MBTPS1: variants seen among roughly 807,000 people sequenced by gnomAD.
MBTPS1 encodes membrane-bound transcription factor site-1 protease.
In MBTPS1, 94 loss-of-function variants were observed where a neutral mutation model predicts 127.8. The ratio of observed to expected loss-of-function variants is 0.74; its 90% CI spans 0.62 to 0.87. MBTPS1 has a LOEUF of 0.87. Ranked by LOEUF, MBTPS1 falls within the 40% of genes least tolerant of loss-of-function variation. MBTPS1 has a pLI of 0.00. For synonymous variants in MBTPS1, 632 were observed against 509.4 expected (o/e 1.24, Z -3.24); for missense variants, 1,636 against 1,353.2 (o/e 1.21, Z -3.28).
At chr16:84,067,416 G>C (rs1314118701) in intron 16 of MBTPS1, among the ~76,000 whole-genome samples, 3 of 152,162 alleles carry the variant, frequency 2.0e-5, no homozygotes, top group African/African-American at 7.2e-5. Context: ...ACAGTGGCTT[G>C]ATCTCAGCTC....
chr16:84,065,381 T>C (rs911060831), intron 18 of MBTPS1, among the ~76,000 whole-genome samples: 1 of 152,204 alleles, frequency 6.6e-6, no homozygotes, highest in African/African-American at 2.4e-5. Flanking sequence ...CCTCTCAAAG[T>C]GGTGGGTACC....
At chr16:84,055,622 G>A (rs578103323) in intron 22 of MBTPS1, among the ~76,000 whole-genome samples, 2 of 152,332 alleles carry the variant, frequency 1.3e-5, no homozygotes, top group South Asian at 2.1e-4. Context: ...TGGGAGCCAG[G>A]GCGGCTGCTG....
chr16:84,090,918 C>T lies in MBTPS1; in HGVS notation c.988G>A (p.Val330Ile). 5 of 1,611,982 alleles carry T rather than the reference C, an allele frequency of 3.1e-6. No homozygotes were observed. The highest frequency in any genetic ancestry group is 4.2e-6 in the Non-Finnish European group (5 of 1,179,082). The change falls in exon 8 of 23, where the codon GTA becomes ATA. Residue 330 changes from valine (V) to isoleucine (I), a missense_variant. Transcript: ENST00000343411. ...TTGCCAATAGCAGAAACCATGATTA[C>T]ATTGTTAGCTGTTAATTCCCACACC... ...DKVWELTANN[V>I]IMVSAIGNDG...
chr16:84,060,715 C>T lies in MBTPS1; in HGVS notation c.2671G>A (p.Gly891Arg), dbSNP rs763530636. ...HSGNRQRPPSGAGSVTPERME... is the reference protein window; with the variant it reads ...HSGNRQRPPSRAGSVTPERME... ...CTCTCTGGAGTGACTGAGCCTGCTC[C>T]ACTGGGAGGGCGCTGGCGGTTCCCA... Residue 891 changes from glycine (G) to arginine (R), a missense_variant, in exon 20 of 23, where the codon GGA becomes AGA. Gly to Arg is a moderately radical substitution (Grantham distance 125). Coordinates refer to ENST00000343411, the MANE Select transcript of MBTPS1 (RefSeq NM_003791.4). 16 of 1,613,922 alleles carry T rather than the reference C, an allele frequency of 9.9e-6. No homozygotes were observed. The highest frequency in any genetic ancestry group is 2.2e-5 in the East Asian group (1 of 44,894).
chr16:84,073,900 G>T (rs187976202), intron 12 of MBTPS1, among the ~76,000 whole-genome samples: 217 of 152,192 alleles, frequency 1.4e-3, no homozygotes, highest in Admixed American at 2.9e-3. Flanking sequence ...CAGATACCTG[G>T]GAGGCTGAGC....
chr16:84,094,691 T>C lies in MBTPS1; in HGVS notation c.626-870A>G, dbSNP rs144058161. Among the ~76,000 whole-genome samples the C allele has an allele frequency of 1.7e-3, 264 of 152,212 alleles. 1 individual carries two copies. The highest frequency in any genetic ancestry group is 6.2e-3 in the African/African-American group (256 of 41,512). On this transcript the variant is annotated intron_variant, in intron 4 of 22. Coordinates refer to ENST00000343411, the MANE Select transcript of MBTPS1 (RefSeq NM_003791.4). ...AAAAATGCACACACAAAATCAGAAATCATTTGGTTTGGGGGGAATAAAAAA... is the reference window on the plus strand; with the variant it reads ...AAAAATGCACACACAAAATCAGAAACCATTTGGTTTGGGGGGAATAAAAAA...
chr16:84,074,485 C>T (rs1444980216), intron 12 of MBTPS1, 112 bp downstream of exon 12: 10 of 1,076,814 alleles, frequency 9.3e-6, no homozygotes, highest in African/African-American at 3.2e-5. Flanking sequence ...CCTCTCTCCT[C>T]GGCCTAGAAC....
intron 8 of MBTPS1, among the ~76,000 whole-genome samples, chr16:84,090,258 G>T (rs1490904370): frequency 3.9e-5 from 6 of 152,218 alleles, no homozygotes; most frequent in African/African-American, 2.4e-5. Flanking sequence ...AACCAGACAG[G>T]AGCGTACTGG....
At chr16:84,058,510 G>A (rs750547243) in intron 21 of MBTPS1, among the ~76,000 whole-genome samples, 1 of 152,242 alleles carries the variant, frequency 6.6e-6, no homozygotes, top group African/African-American at 2.4e-5. Flanking sequence ...CCCGGCCACG[G>A]ACACAGCTCT....
In MBTPS1 at chr16:84,098,081, A is replaced by T. The variant is rs114438896; in HGVS notation, c.421+972T>A. The stretch of plus-strand genomic sequence containing the variant: ...GTAACACATATCTTTGGAAAATATC[A>T]TTTAATAAATATGCAATTTACTATT... On this transcript the variant is annotated intron_variant, in intron 3 of 22. Transcript: ENST00000343411. Among the ~76,000 whole-genome samples, 502 of 152,320 alleles carry T rather than the reference A, an allele frequency of 3.3e-3. 5 individuals carry two copies. Among genetic ancestry groups the T allele is most frequent in the Middle Eastern group, 0.02 (6 of 294 alleles).
chr16:84,060,578 C>G (rs1382731348), intron 20 of MBTPS1, 104 bp downstream of exon 20: 1 of 1,371,590 alleles, frequency 7.3e-7, no homozygotes, highest in Non-Finnish European at 1.0e-6. Context: ...CAGCGGCGCA[C>G]ACAAACTGGC....
chr16:84,092,618 T>A (rs961982585), intron 6 of MBTPS1, among the ~76,000 whole-genome samples: 2 of 152,174 alleles, frequency 1.3e-5, no homozygotes, highest in Non-Finnish European at 2.9e-5. Flanking sequence ...CTGACATTTC[T>A]GAGCTATGCA....
At chr16:84,083,631 C>A (rs2085974116) in intron 10 of MBTPS1, among the ~76,000 whole-genome samples, 1 of 152,122 alleles carries the variant, frequency 6.6e-6, no homozygotes, top group African/African-American at 2.4e-5. Context: ...AAAATAATAT[C>A]TGGCATCAGA....
intron 4 of MBTPS1, among the ~76,000 whole-genome samples, chr16:84,095,213 C>T (rs1383638707): frequency 6.6e-6 from 1 of 152,216 alleles, no homozygotes; most frequent in Non-Finnish European, 1.5e-5. Flanking sequence ...CCATCTTTCC[C>T]CAAGAAGTGA....
At chr16:84,108,446 T>G (rs930387177) in intron 1 of MBTPS1, among the ~76,000 whole-genome samples, 1 of 152,154 alleles carries the variant, frequency 6.6e-6, no homozygotes, top group Admixed American at 6.5e-5. Context: ...GTATTTTTAG[T>G]AGAGACAGGA....
intron 18 of MBTPS1, among the ~76,000 whole-genome samples, chr16:84,064,817 G>GA (rs2085658048): frequency 6.6e-6 from 1 of 151,944 alleles, no homozygotes; most frequent in Non-Finnish European, 1.5e-5. Flanking sequence ...TTGATAAAAG[G>GA]AAAAAATCCC....
chr16:84,110,574 ACACT>A (rs941524392), intron 1 of MBTPS1: 5 of 152,242 alleles, frequency 3.3e-5, no homozygotes, highest in Non-Finnish European at 4.4e-5. Flanking sequence ...AATAAGAAAA[ACACT>A]CACTGAGCAT....
chr16:84,070,923 A>G (rs2085761526), intron 12 of MBTPS1, 147 bp from the exon 13 acceptor site: 1 of 636,968 alleles, frequency 1.6e-6, no homozygotes, highest in Non-Finnish European at 2.7e-6. Flanking sequence ...CACAGATACT[A>G]AGTAACTACA....
intron 1 of MBTPS1, among the ~76,000 whole-genome samples, chr16:84,112,962 G>A (rs555156167): frequency 4.5e-5 from 6 of 132,414 alleles, no homozygotes; most frequent in East Asian, 4.3e-4. Flanking sequence ...GAGACAGAGC[G>A]AGATGCCATC....
Sources: allele counts gnomAD v4.1 joint callset (sites outside exome capture counted in the v4.1 genomes callset), GRCh38; gene constraint gnomAD v4.1.1; transcripts MANE v1.5; gene names NCBI Gene and HGNC (gene_info 2026-07-23, HGNC 2026-07-21).